GPR19: variants seen among roughly 807,000 people sequenced by gnomAD.
GPR19 encodes the protein probable G protein-coupled receptor 19.
Under a neutral mutation model 28.5 loss-of-function variants are expected in GPR19, and 14 were observed. That is an observed-to-expected ratio of 0.49 (90% CI 0.32 to 0.77). The LOEUF (loss-of-function observed/expected upper bound fraction) is 0.77, where lower values mean the gene tolerates loss of function less well. Among genes scored for constraint, GPR19 ranks in the 30% least tolerant of loss-of-function variants. The probability of loss-of-function intolerance (pLI) is 0.03; values close to 1 mark genes in which losing one functional copy is unlikely to be tolerated. For synonymous variants in GPR19, 173 were observed against 184.1 expected (o/e 0.94, Z 0.49); for missense variants, 409 against 504.1 (o/e 0.81, Z 1.81).
chr12:12,708,126 A>G, the GPR19 span, among the ~76,000 whole-genome samples: 1 of 150,238 alleles, frequency 6.7e-6, no homozygotes, highest in Non-Finnish European at 1.5e-5. Flanking sequence ...CAGCCTCCTG[A>G]GTAGCTGAGA....
At chr12:12,676,329 T>A (rs1271869932) in intron 3 of GPR19, among the ~76,000 whole-genome samples, 3 of 152,122 alleles carry the variant, frequency 2.0e-5, no homozygotes, top group Non-Finnish European at 4.4e-5. Flanking sequence ...ATTTCTAAGG[T>A]CATTTCAGCT....
intron 2 of GPR19, among the ~76,000 whole-genome samples, chr12:12,685,433 A>C (rs191608835): frequency 1.2e-3 from 190 of 152,256 alleles, no homozygotes; most frequent in Non-Finnish European, 2.2e-3. Context: ...GCTGAACTGG[A>C]GAGGCAGGGA....
the GPR19 span, among the ~76,000 whole-genome samples, chr12:12,710,180 C>G: frequency 1.3e-5 from 2 of 152,016 alleles, no homozygotes; most frequent in African/African-American, 4.8e-5. Flanking sequence ...GGTGAAACCT[C>G]GTTTCTACTA....
intron 3 of GPR19, among the ~76,000 whole-genome samples, chr12:12,680,554 TG>T (rs1946003009): frequency 6.6e-6 from 1 of 152,184 alleles, no homozygotes; most frequent in Non-Finnish European, 1.5e-5. Flanking sequence ...TCACCCAGGC[TG>T]GAGTGCAGTG....
chr12:12,679,124 G>C (rs887575619), intron 3 of GPR19, among the ~76,000 whole-genome samples: 2 of 152,042 alleles, frequency 1.3e-5, no homozygotes, highest in African/African-American at 2.4e-5. Context: ...ATATGAAGAG[G>C]CTATATAGTA....
chr12:12,707,989 CTTTTTTTTTTTTTTTTTTTT>C, the GPR19 span, among the ~76,000 whole-genome samples: 1 of 62,442 alleles, frequency 1.6e-5, no homozygotes, highest in East Asian at 9.2e-4. Context: ...ATTTCCTATT[CTTTTTTTTTTTTTTTTTTTT>C]TTTTTTTTGA....
At chr12:12,706,421 C>T in the GPR19 span, among the ~76,000 whole-genome samples, 1 of 152,182 alleles carries the variant, frequency 6.6e-6, no homozygotes, top group South Asian at 2.1e-4. Context: ...AACTGCCTAG[C>T]TCTTTTCTAC....
intron 2 of GPR19, chr12:12,684,868 C>T (rs1423542440): frequency 6.6e-6 from 1 of 152,092 alleles, no homozygotes; most frequent in Admixed American, 6.6e-5. Flanking sequence ...ATAAATGATG[C>T]TTTCTTAACC....
At chr12:12,671,878 T>C (rs1592256912) in intron 3 of GPR19, among the ~76,000 whole-genome samples, 1 of 152,336 alleles carries the variant, frequency 6.6e-6, no homozygotes, top group East Asian at 1.9e-4. Flanking sequence ...TTTTCAGTTT[T>C]ATATTTTATC....
In GPR19 at chr12:12,661,285, C is replaced by A; in HGVS notation, c.1164G>T (p.Ser388=). ...PSMAKTITKD[S]IYDSFDREAK... is the part of the protein sequence containing the mutation. ...CTTCTCTGTCAAATGAGTCATAGAT[C>A]GAGTCTTTGGTAATAGTTTTGGCCA... is the stretch of plus-strand genomic sequence containing the variant. Residue 388 remains serine, a synonymous_variant, in exon 4 of 4, where the codon TCG becomes TCT. Coordinates refer to ENST00000651487, the MANE Select transcript of GPR19 (RefSeq NM_006143.3). This position sits in a 1 kb window ranked among gnomAD's most constrained non-coding sequence, Gnocchi z 4.2. 6.2e-7 allele frequency: 1 copy of A among 1,613,500 alleles called. No individual in the cohort carries two copies. The highest frequency in any genetic ancestry group is 8.5e-7 in the Non-Finnish European group (1 of 1,179,536).
chr12:12,678,185 A>G (rs958601080), intron 3 of GPR19, among the ~76,000 whole-genome samples: 1 of 152,046 alleles, frequency 6.6e-6, no homozygotes, highest in Non-Finnish European at 1.5e-5. Context: ...CCATATATCC[A>G]GAATTATGTG....
intron 3 of GPR19, among the ~76,000 whole-genome samples, chr12:12,675,977 G>T (rs1450509939): frequency 2.6e-5 from 4 of 152,158 alleles, no homozygotes; most frequent in Admixed American, 2.6e-4. Context: ...CTAAATTTGT[G>T]TTAACTTGTT....
chr12:12,697,013 C>G (rs556989693), upstream of GPR19, among the ~76,000 whole-genome samples: 8 of 151,988 alleles, frequency 5.3e-5, no homozygotes, highest in Non-Finnish European at 7.4e-5. Flanking sequence ...TAATGAAACT[C>G]ATAGGTGGCA....
At chr12:12,710,491 A>AT in the GPR19 span, among the ~76,000 whole-genome samples, 3 of 152,196 alleles carry the variant, frequency 2.0e-5, no homozygotes, top group Non-Finnish European at 4.4e-5. Context: ...CCCACCAATC[A>AT]TAACATCCCT....
intron 2 of GPR19, chr12:12,684,932 C>G (rs193271873): frequency 2.0e-5 from 3 of 152,410 alleles, no homozygotes; most frequent in Admixed American, 2.0e-4. Flanking sequence ...CAAGGTGTTC[C>G]TTAACCTCCC....
At chr12:12,692,523 G>A (rs1450430489) in intron 2 of GPR19, among the ~76,000 whole-genome samples, 1 of 152,016 alleles carries the variant, frequency 6.6e-6, no homozygotes, top group East Asian at 1.9e-4. Context: ...GTGAGCTACT[G>A]CGCCTGACTC....
Position 12,695,043 on chromosome 12 carries a change from C to A in GPR19, c.-180+416G>T, listed in dbSNP as rs76497701. Among the ~76,000 whole-genome samples the A allele has an allele frequency of 6.3e-3, 967 of 152,330 alleles. 12 individuals are homozygous for A. The highest frequency in any genetic ancestry group is 0.021 in the African/African-American group (893 of 41,564). On this transcript the variant is annotated intron_variant, in intron 2 of 3. Coordinates refer to ENST00000651487, the MANE Select transcript of GPR19 (RefSeq NM_006143.3). ...TATTCACACTGGGATCCTTCTCCAT[C>A]ACTGCTAGCTTCAATCCTGTGGCTT...
At chr12:12,703,949 A>G in the GPR19 span, among the ~76,000 whole-genome samples, 1 of 152,210 alleles carries the variant, frequency 6.6e-6, no homozygotes, top group African/African-American at 2.4e-5. Flanking sequence ...AGGATACAAA[A>G]AAGATTAAAG....
chr12:12,716,959 G>C, the GPR19 span: 1 of 985,228 alleles, frequency 1.0e-6, no homozygotes, highest in East Asian at 1.1e-4. Context: ...GCGAGCTGCC[G>C]GCGACCTTCG....
Sources: gnomAD v4.1 joint callset for allele counts (sites outside exome capture counted in the v4.1 genomes callset) on GRCh38, gnomAD v4.1.1 for gene constraint, Gnocchi (gnomAD v3.1) non-coding constraint, MANE v1.5 for transcripts, NCBI Gene and HGNC (gene_info 2026-07-23, HGNC 2026-07-21) for gene names.